Variants in CPA1 observed in about 807,000 individuals in gnomAD.
CPA1 encodes carboxypeptidase A1, also known as carboxypeptidase A1 (pancreatic).
A neutral mutation model predicts 48.7 loss-of-function variants in CPA1; 42 were observed. That is an observed-to-expected ratio of 0.86 (90% CI 0.67 to 1.11). The LOEUF (loss-of-function observed/expected upper bound fraction) is 1.11. CPA1 is among the 50% of genes most tolerant of loss of function. The probability of loss-of-function intolerance (pLI) is 0.00; values close to 1 mark genes in which losing one functional copy is unlikely to be tolerated. For synonymous variants in CPA1, 203 were observed against 217.9 expected (o/e 0.93, Z 0.60); for missense variants, 477 against 544.7 (o/e 0.88, Z 1.24).
At chr7:130,382,630 A>ATT (rs34457825) in intron 4 of CPA1, among the ~76,000 whole-genome samples, 2,463 of 74,346 alleles carry the variant, frequency 0.033, 131 homozygotes, top group East Asian at 0.044. Context: ...TGCCCGGGTA[A>ATT]TTTTTTTTTT....
intron 1 of CPA1, 107 bp downstream of exon 1, chr7:130,380,692 A>C (rs1340063531): frequency 1.5e-6 from 1 of 660,836 alleles, no homozygotes; most frequent in Non-Finnish European, 2.3e-6. Context: ...ACAGCCAGAG[A>C]GGATGGCCTG....
rs1554411811 is a variant in CPA1 at position 130,385,184 on chromosome 7, CA to C, written c.827del (p.His276ProfsTer15). ...CAGTAACCCCTGCTCGGAGACTTAC[CA>C]CGGCAAGTTTGCCAATTCCGAAGTG... ...ASSNPCSETYHGKFANSEVEV... is the reference protein window; with the variant it reads ...ASSNPCSETYXGKFANSEVEV... On this transcript the variant is annotated frameshift_variant, in exon 8 of 10. Coordinates refer to ENST00000011292, the MANE Select transcript of CPA1 (RefSeq NM_001868.4). LOFTEE classifies it high-confidence loss of function. The C allele has an allele frequency of 3.7e-6, 6 of 1,614,080 alleles. No homozygotes were observed. The African/African-American group carries it at 8.0e-5, about 22-fold the overall frequency.
intron 9 of CPA1, among the ~76,000 whole-genome samples, chr7:130,386,445 T>A (rs2117507598): frequency 6.6e-6 from 1 of 152,084 alleles, no homozygotes; most frequent in Middle Eastern, 3.4e-3. Context: ...GGCACAAGAA[T>A]CGCTTGAACC....
Position 130,387,032 on chromosome 7 carries a change from C to T in CPA1, c.1073-792C>T, listed in dbSNP as rs1554412128. On this transcript the variant is annotated intron_variant, in intron 9 of 9. Transcript: ENST00000011292. The surrounding 1 kb of genome is among the most constrained non-coding windows in gnomAD (Gnocchi z 4.6). Reference sequence around the variant, plus strand: ...GGAACATTCTAGAGCAAAGGCTCTACAGTGTGGTCTGGCCGGGGATGTTGC... The same window carrying T: ...GGAACATTCTAGAGCAAAGGCTCTATAGTGTGGTCTGGCCGGGGATGTTGC... 1.3e-5 allele frequency among the ~76,000 whole-genome samples: 2 copies of T among 152,202 alleles called. No homozygotes were observed. Among genetic ancestry groups the T allele is most frequent in the Non-Finnish European group, 2.9e-5 (2 of 68,038 alleles).
chr7:130,381,893 C>A, intron 3 of CPA1, 30 bp downstream of exon 3: 1 of 1,585,932 alleles, frequency 6.3e-7, no homozygotes, highest in Non-Finnish European at 8.6e-7. Flanking sequence ...CCGCTCCCTG[C>A]AGCCACCAGC....
At chr7:130,384,388 T>C (rs1796444950) in intron 6 of CPA1, 148 bp from the exon 7 acceptor site, 1 of 647,620 alleles carries the variant, frequency 1.5e-6, no homozygotes, top group East Asian at 2.7e-5. Flanking sequence ...CAGCTTCCAA[T>C]CAGGGCACTT....
intron 4 of CPA1, 32 bp downstream of exon 4, chr7:130,382,241 G>C: frequency 6.4e-7 from 1 of 1,553,238 alleles, no homozygotes; most frequent in Non-Finnish European, 8.9e-7. Context: ...ACACAGGGGA[G>C]AATGGACCCA....
At chr7:130,386,054 A>T in intron 9 of CPA1, 131 bp downstream of exon 9, 1 of 707,946 alleles carries the variant, frequency 1.4e-6, no homozygotes, top group Non-Finnish European at 2.5e-6. Context: ...GGCAAGGGCT[A>T]TTCTGAGGGG....
intron 9 of CPA1, 31 bp downstream of exon 9, chr7:130,385,954 C>T (rs1406459923): frequency 1.0e-5 from 16 of 1,565,566 alleles, no homozygotes; most frequent in Non-Finnish European, 1.4e-5. Flanking sequence ...TCTTGATGGG[C>T]CTGCGAGGAA....
chr7:130,383,647 C>T (rs781980982), intron 5 of CPA1, 37 bp from the exon 6 acceptor site: 22 of 1,533,880 alleles, frequency 1.4e-5, no homozygotes, highest in Non-Finnish European at 1.8e-5. Context: ...ATGCCTGGCC[C>T]AGCCTGCGCT....
In CPA1 at chr7:130,385,317, CAG is replaced by C. The variant is rs1554411840; in HGVS notation, c.961_962del (p.Glu321ThrfsTer4). The C allele has an allele frequency of 2.5e-6, 4 of 1,614,230 alleles. No homozygotes were observed. Among genetic ancestry groups the C allele is most frequent in the Non-Finnish European group, 3.4e-6 (4 of 1,180,036 alleles). ...CTCATGTATCCCTATGGCTACAAAA[CAG>C]AACCAGTCCCTGACCAGGATGAGCT... On this transcript the variant is annotated frameshift_variant, in exon 8 of 10. Coordinates refer to ENST00000011292, the MANE Select transcript of CPA1 (RefSeq NM_001868.4). LOFTEE classifies it high-confidence loss of function.
At position 130,381,693 on chromosome 7, in the gene CPA1, A is replaced by C. The variant is rs1554411201; in HGVS notation, c.211A>C (p.Ser71Arg). The part of the protein sequence containing the change: ...SPIDVRVPFP[S>R]IQAVKIFLES... ...CATCGACGTCCGAGTGCCCTTCCCC[A>C]GCATCCAGGCGGTCAAGATCTTTCT... The change falls in exon 3 of 10, where the codon AGC becomes CGC. Residue 71 changes from serine to arginine, a missense_variant. Ser to Arg is a moderately radical substitution (Grantham distance 110). Coordinates refer to ENST00000011292, the MANE Select transcript of CPA1 (RefSeq NM_001868.4). The C allele has an allele frequency of 6.2e-7, 1 of 1,613,788 alleles. No individual in the cohort carries two copies. The highest frequency in any genetic ancestry group is 2.2e-5 in the East Asian group (1 of 44,860).
intron 9 of CPA1, among the ~76,000 whole-genome samples, chr7:130,386,385 A>G (rs1554412034): frequency 6.6e-6 from 1 of 151,928 alleles, no homozygotes; most frequent in African/African-American, 2.4e-5. Context: ...ACAAAAAATT[A>G]GCTGGGTGTG....
chr7:130,382,028 TG>T, intron 3 of CPA1, 79 bp from the exon 4 acceptor site: 2 of 1,298,546 alleles, frequency 1.5e-6, no homozygotes, highest in Non-Finnish European at 2.2e-6. Context: ...CGCAGCAGGC[TG>T]GGACGGTGGG....
At position 130,387,774 on chromosome 7, in the gene CPA1, A is replaced by G; in HGVS notation, c.1073-50A>G. 1.3e-6 allele frequency: 2 copies of G among 1,560,662 alleles called. No individual in the cohort carries two copies. Among genetic ancestry groups the G allele is most frequent in the South Asian group, 1.1e-5 (1 of 88,362 alleles). On this transcript the variant is annotated intron_variant, in intron 9 of 9. Coordinates refer to ENST00000011292, the MANE Select transcript of CPA1 (RefSeq NM_001868.4). The surrounding 1 kb of genome is among the most constrained non-coding windows in gnomAD (Gnocchi z 4.6). The stretch of plus-strand genomic sequence containing the variant: ...TGGATCGTTAACCCAACCCGTGTAA[A>G]TATTCCCAAAGTGATTGACCCTTTC...
rs1554412204 is a variant in CPA1, at chr7:130,387,798, T to C, written c.1073-26T>C. 3 of 1,606,262 alleles carry C rather than the reference T, an allele frequency of 1.9e-6. No homozygotes were observed. The highest frequency in any genetic ancestry group is 3.4e-5 in the Admixed American group (2 of 59,240). On this transcript the variant is annotated intron_variant, in intron 9 of 9. Transcript: ENST00000011292. This position sits in a 1 kb window ranked among gnomAD's most constrained non-coding sequence, Gnocchi z 4.6. ...AATATTCCCAAAGTGATTGACCCTT[T>C]CTCTCCTATTTTACTCCTGCCCCAG...
In CPA1 at chr7:130,385,854, G is replaced by C. The variant is rs1796467528; in HGVS notation, c.1003G>C (p.Ala335Pro). The C allele has an allele frequency of 1.2e-6, 2 of 1,613,934 alleles. No homozygotes were observed. Among genetic ancestry groups the C allele is most frequent in the African/African-American group, 1.3e-5 (1 of 74,914 alleles). Residue 335 changes from alanine to proline, a missense_variant, in exon 9 of 10, where the codon GCT (alanine) becomes CCT (proline). Ala to Pro is a conservative substitution (Grantham distance 27, BLOSUM62 -1). Coordinates refer to ENST00000011292, the MANE Select transcript of CPA1 (RefSeq NM_001868.4). ...DQDELDQLSK[A>P]AVTALASLYG... ...TTTTGTCCAGGATCAGCTTTCCAAGGCTGCTGTGACAGCCCTGGCCTCTCT... is the reference window on the plus strand; with the variant it reads ...TTTTGTCCAGGATCAGCTTTCCAAGCCTGCTGTGACAGCCCTGGCCTCTCT...
Position 130,381,194 on chromosome 7 carries a change from GA to G in CPA1, c.147+17del. 6.3e-7 allele frequency: 1 copy of G among 1,599,582 alleles called. No homozygotes were observed. The highest frequency in any genetic ancestry group is 1.1e-5 in the South Asian group (1 of 90,234). On this transcript the variant is annotated intron_variant, in intron 2 of 9. Coordinates refer to ENST00000011292, the MANE Select transcript of CPA1 (RefSeq NM_001868.4). ...AGCACCTGCAGGTCAGAAGAGGGGA[GA>G]AGGGCTCTCTGAGGCCCCAGGGTAT...
rs1554412233 is a variant in CPA1 at position 130,387,866 on chromosome 7, G to A, written c.1115G>A (p.Gly372Asp). 6 of 1,614,046 alleles carry A rather than the reference G, an allele frequency of 3.7e-6. No individual in the cohort carries two copies. Among genetic ancestry groups the A allele is most frequent in the Non-Finnish European group, 5.1e-6 (6 of 1,180,038 alleles). Residue 372 changes from glycine to aspartate, a missense_variant, in exon 10 of 10, where the codon GGC becomes GAC. Physicochemically the swap from Gly to Asp is moderately conservative, Grantham distance 94. Transcript: ENST00000011292. This position sits in a 1 kb window ranked among gnomAD's most constrained non-coding sequence, Gnocchi z 4.6. ...ACTATTGACTGGACCTACAGCCAGG[G>A]CATCAAGTACTCCTTCACCTTCGAG... ...GSTIDWTYSQGIKYSFTFELR... is the reference protein window; with the variant it reads ...GSTIDWTYSQDIKYSFTFELR...
Sources: allele counts gnomAD v4.1 joint callset (sites outside exome capture counted in the v4.1 genomes callset), GRCh38; gene constraint gnomAD v4.1.1; non-coding constraint Gnocchi (gnomAD v3.1); transcripts MANE v1.5; gene names NCBI Gene and HGNC (gene_info 2026-07-23, HGNC 2026-07-21).